The following SLC29A3 variants were observed in gnomAD, a reference collection of about 807,000 sequenced individuals.
SLC29A3 encodes the protein equilibrative nucleoside transporter 3.
In SLC29A3, 18 loss-of-function variants were observed where a neutral mutation model predicts 25.4. The observed-to-expected ratio is 0.71, with a 90% CI of 0.49 to 1.05. SLC29A3 has a LOEUF of 1.05. SLC29A3 is among the 50% of genes least tolerant of loss of function. SLC29A3 has a pLI of 0.00. For synonymous variants in SLC29A3, 258 were observed against 267.1 expected (o/e 0.97, Z 0.33); for missense variants, 586 against 609.0 (o/e 0.96, Z 0.40).
chr10:71,335,366 G>T (rs4430425), intron 2 of SLC29A3, among the ~76,000 whole-genome samples: 95,324 of 152,084 alleles, frequency 0.63, 30,244 homozygotes, highest in East Asian at 0.79. Flanking sequence ...CAAGGTTTCC[G>T]GCAAAGGAGC....
At position 71,356,259 on chromosome 10, in the gene SLC29A3, A is replaced by G; in HGVS notation, c.773+16A>G. The G allele has an allele frequency of 6.2e-7, 1 of 1,611,932 alleles. No individual in the cohort carries two copies. The highest frequency in any genetic ancestry group is 8.5e-7 in the Non-Finnish European group (1 of 1,179,972). On this transcript the variant is annotated intron_variant, in intron 5 of 5. Coordinates refer to ENST00000373189, the MANE Select transcript of SLC29A3 (RefSeq NM_018344.6). ...AGTATGCCAGGTGAAGGTGCCACTCACTGTCCATGCCTCCTTCCTGTGTAT... is the reference window on the plus strand; with the variant it reads ...AGTATGCCAGGTGAAGGTGCCACTCGCTGTCCATGCCTCCTTCCTGTGTAT...
Position 71,344,193 on chromosome 10 carries a change from A to C in SLC29A3, c.301-16A>C, listed in dbSNP as rs552441379. ...CCCTGAGTGACCGCAGCACCTCCTCACTTGTGTGCTTGCAGAACTACTTTG... is the reference window on the plus strand; with the variant it reads ...CCCTGAGTGACCGCAGCACCTCCTCCCTTGTGTGCTTGCAGAACTACTTTG... On this transcript the variant is annotated splice_polypyrimidine_tract_variant and intron_variant, in intron 2 of 5. Transcript: ENST00000373189. 16 of 1,607,932 alleles carry C rather than the reference A, an allele frequency of 1.0e-5. No individual in the cohort carries two copies. The South Asian group carries it at 1.8e-4, about 18-fold the overall frequency.
At chr10:71,336,849 G>A (rs2131815737) in intron 2 of SLC29A3, among the ~76,000 whole-genome samples, 1 of 152,226 alleles carries the variant, frequency 6.6e-6, no homozygotes, top group South Asian at 2.1e-4. Context: ...GGATTCCTGA[G>A]GAGGTGTGAG....
At chr10:71,335,462 T>C (rs540735760) in intron 2 of SLC29A3, among the ~76,000 whole-genome samples, 10 of 152,142 alleles carry the variant, frequency 6.6e-5, no homozygotes, top group African/African-American at 2.4e-4. Flanking sequence ...ACAGGGAGGC[T>C]GATTTATAAG....
chr10:71,350,091 G>C (rs540250999), intron 3 of SLC29A3, among the ~76,000 whole-genome samples: 134 of 152,234 alleles, frequency 8.8e-4, no homozygotes, highest in Non-Finnish European at 1.5e-3. Flanking sequence ...GATGGGCTGG[G>C]GCTCAGCACA....
intron 4 of SLC29A3, among the ~76,000 whole-genome samples, chr10:71,378,558 G>A (rs1346421340): frequency 6.6e-6 from 1 of 152,222 alleles, no homozygotes; most frequent in Non-Finnish European, 1.5e-5. Context: ...GTGGTTCTTA[G>A]GGTGTAGTCC....
intron 3 of SLC29A3, among the ~76,000 whole-genome samples, chr10:71,373,197 C>G (rs41380348): frequency 0.071 from 10,786 of 152,274 alleles, 457 homozygotes; most frequent in African/African-American, 0.11. Flanking sequence ...AACACTTTTT[C>G]AAACAGAAAC....
At chr10:71,321,888 C>T (rs3758570) in intron 1 of SLC29A3, among the ~76,000 whole-genome samples, 8,046 of 152,276 alleles carry the variant, frequency 0.053, 352 homozygotes, top group East Asian at 0.2. Flanking sequence ...TGGCCATTTA[C>T]GTGGCCTATG....
In SLC29A3 at chr10:71,322,804, A is replaced by G; in HGVS notation, c.50A>G (p.Tyr17Cys). ...TTTCAGCACAGTTCAAACTCCACCT[A>G]CAGAACCACAAGCAGCAGTCTCCGA... ...DDFQHSSNST[Y>C]RTTSSSLRAD... The change falls in exon 2 of 6, where the codon TAC becomes TGC. Residue 17 changes from tyrosine (Y) to cysteine (C), a missense_variant. By Grantham distance (194) the Tyr-to-Cys change is radical. Transcript: ENST00000373189. 1.9e-6 allele frequency: 3 copies of G among 1,614,152 alleles called. No homozygotes were observed. The highest frequency in any genetic ancestry group is 2.5e-6 in the Non-Finnish European group (3 of 1,180,030).
chr10:71,323,742 A>G (rs1426552721), intron 2 of SLC29A3, among the ~76,000 whole-genome samples: 7 of 152,232 alleles, frequency 4.6e-5, no homozygotes, highest in Non-Finnish European at 8.8e-5. Flanking sequence ...AATTAGTCTG[A>G]TCACCATGGG....
At chr10:71,347,455 A>G (rs1609652) in intron 3 of SLC29A3, among the ~76,000 whole-genome samples, 104,151 of 152,026 alleles carry the variant, frequency 0.69, 36,557 homozygotes, top group Non-Finnish European at 0.76. Flanking sequence ...AACCCCAGAC[A>G]TTACAGCAGC....
Position 71,323,065 on chromosome 10 carries a change from G to T in SLC29A3, c.300+11G>T. The T allele has an allele frequency of 6.2e-7, 1 of 1,612,274 alleles. No individual in the cohort carries two copies. Among genetic ancestry groups the T allele is most frequent in the South Asian group, 1.1e-5 (1 of 91,034 alleles). ...GGCTCAGACATCCTGGTAAGGGCAT[G>T]TTTCTCCTGCAAGGCTGGTGGGAGC... On this transcript the variant is annotated intron_variant, in intron 2 of 5. Coordinates refer to ENST00000373189, the MANE Select transcript of SLC29A3 (RefSeq NM_018344.6).
chr10:71,344,393 G>A, intron 3 of SLC29A3, 102 bp downstream of exon 3: 4 of 860,086 alleles, frequency 4.7e-6, no homozygotes, highest in South Asian at 2.7e-5. Context: ...CTTAAGTGGT[G>A]GTCACCAAAG....
intron 4 of SLC29A3, among the ~76,000 whole-genome samples, chr10:71,376,085 T>C (rs1847249659): frequency 1.3e-5 from 2 of 152,204 alleles, no homozygotes; most frequent in East Asian, 1.9e-4. Flanking sequence ...CCAAACCAGC[T>C]TGAACATTTT....
chr10:71,336,791 C>T (rs532388863), intron 2 of SLC29A3, among the ~76,000 whole-genome samples: 5 of 152,022 alleles, frequency 3.3e-5, no homozygotes, highest in East Asian at 2.0e-4. Flanking sequence ...AGGAGGAAGG[C>T]GGGGAAGCTC....
intron 2 of SLC29A3, among the ~76,000 whole-genome samples, chr10:71,341,930 G>A (rs1173733571): frequency 6.6e-6 from 1 of 152,192 alleles, no homozygotes; most frequent in Non-Finnish European, 1.5e-5. Context: ...GCAACTTGGG[G>A]TTCCATGCCA....
Position 71,378,994 on chromosome 10 carries a change from G to A in SLC29A3, c.*212-772G>A, listed in dbSNP as rs145208561. 1.7e-3 allele frequency among the ~76,000 whole-genome samples: 253 copies of A among 152,346 alleles called. 1 individual carries two copies. The highest frequency in any genetic ancestry group is 0.014 in the Middle Eastern group (4 of 294). On this transcript the variant is annotated intron_variant and NMD_transcript_variant, in intron 4 of 4. Coordinates refer to the SLC29A3 transcript ENST00000642772. ...GTCATTGCCCAGTGAGGAGGAGGAC[G>A]ATGGCTGGCTTCAGGGAGGACCAAA...
At chr10:71,337,832 G>A (rs1564530954) in intron 2 of SLC29A3, among the ~76,000 whole-genome samples, 1 of 152,208 alleles carries the variant, frequency 6.6e-6, no homozygotes, top group Non-Finnish European at 1.5e-5. Flanking sequence ...TCAGTGTGGC[G>A]GAGGAGAGGA....
chr10:71,372,475 A>G (rs1241926777), intron 3 of SLC29A3, among the ~76,000 whole-genome samples: 2 of 152,316 alleles, frequency 1.3e-5, no homozygotes, highest in African/African-American at 2.4e-5. Context: ...ATCCACTCCC[A>G]GAGTCCCTGA....
Sources: allele counts gnomAD v4.1 joint callset (sites outside exome capture counted in the v4.1 genomes callset), GRCh38; gene constraint gnomAD v4.1.1; transcripts MANE v1.5; gene names NCBI Gene and HGNC (gene_info 2026-07-23, HGNC 2026-07-21).